Variants in NCAPG2 observed in about 807,000 individuals in gnomAD.
NCAPG2 encodes the protein non-SMC condensin II complex subunit G2.
In NCAPG2, 53 loss-of-function variants were observed where a neutral mutation model predicts 141.1. The observed-to-expected ratio is 0.38, with a 90% CI of 0.30 to 0.47. The LOEUF is 0.47. Among genes scored for constraint, NCAPG2 ranks in the 20% least tolerant of loss-of-function variants. The probability of loss-of-function intolerance (pLI) is 0.99; values close to 1 mark genes in which losing one functional copy is unlikely to be tolerated. For missense variants in NCAPG2, 1,087 were observed against 1,389.0 expected, an observed-to-expected ratio of 0.78 and a Z score of 3.46; for synonymous variants, 499 against 490.7, an observed-to-expected ratio of 1.02 and a Z score of -0.22.
In NCAPG2 at chr7:158,656,385, C is replaced by A; in HGVS notation, c.2263G>T (p.Val755Phe). The A allele has an allele frequency of 1.2e-6, 2 of 1,614,222 alleles. No individual in the cohort carries two copies. The highest frequency in any genetic ancestry group is 1.7e-6 in the Non-Finnish European group (2 of 1,180,044). ...GRVQIHDTRP[V>F]KPELALVYIE... ...TAGACCAATGCCAATTCAGGTTTGA[C>A]TGGGCGTGTGTCATGGATCTGCACC... is the stretch of plus-strand genomic sequence containing the variant. The change falls in exon 19 of 28, where the codon GTC (valine) becomes TTC (phenylalanine). Residue 755 changes from valine (V) to phenylalanine (F), a missense_variant. Val to Phe is a conservative substitution (Grantham distance 50). Coordinates refer to ENST00000356309, the MANE Select transcript of NCAPG2 (RefSeq NM_017760.7).
intron 24 of NCAPG2, among the ~76,000 whole-genome samples, chr7:158,649,719 T>C (rs1809915592): frequency 6.6e-6 from 1 of 152,246 alleles, no homozygotes; most frequent in Non-Finnish European, 1.5e-5. Flanking sequence ...TTACAAAATT[T>C]ATGATTCACG....
At chr7:158,637,037 T>C (rs979411346) in intron 27 of NCAPG2, among the ~76,000 whole-genome samples, 26 of 151,662 alleles carry the variant, frequency 1.7e-4, no homozygotes, top group Non-Finnish European at 2.8e-4. Context: ...AAGTTCCGCC[T>C]CCCGGGTTCA....
Position 158,631,661 on chromosome 7 carries a change from C to T in NCAPG2, c.*5G>A. 2.5e-6 allele frequency: 4 copies of T among 1,585,486 alleles called. No individual in the cohort carries two copies. Among genetic ancestry groups the T allele is most frequent in the South Asian group, 1.1e-5 (1 of 90,194 alleles). On this transcript the variant is annotated 3_prime_UTR_variant, in exon 28 of 28. Coordinates refer to ENST00000356309, the MANE Select transcript of NCAPG2 (RefSeq NM_017760.7). ...ATTTTTACATGTCTGGAGATGTTGG[C>T]TTGGTTATGAATTCAAAAGTTCTCC...
intron 22 of NCAPG2, among the ~76,000 whole-genome samples, chr7:158,653,628 A>G (rs752507000): frequency 3.3e-5 from 5 of 152,180 alleles, no homozygotes; most frequent in Non-Finnish European, 5.9e-5. Flanking sequence ...GGAATCTGCC[A>G]TGAAGATATT....
At chr7:158,636,899 C>T (rs547017126) in intron 27 of NCAPG2, among the ~76,000 whole-genome samples, 4 of 152,240 alleles carry the variant, frequency 2.6e-5, no homozygotes, top group Non-Finnish European at 5.9e-5. Flanking sequence ...CAGACCACTG[C>T]CCTAAAAACA....
chr7:158,655,565 C>T (rs183250426), intron 19 of NCAPG2, 110 bp from the exon 20 acceptor site: 23 of 852,290 alleles, frequency 2.7e-5, no homozygotes, highest in East Asian at 8.1e-5. Context: ...TGAAAAGACC[C>T]CCGCTCTGGT....
At chr7:158,663,682 T>C (rs953653056) in intron 15 of NCAPG2, among the ~76,000 whole-genome samples, 3 of 152,248 alleles carry the variant, frequency 2.0e-5, no homozygotes, top group African/African-American at 7.2e-5. Context: ...TAGTGGGCAT[T>C]GCAAAATGAC....
chr7:158,664,347 A>G (rs1429675698), intron 14 of NCAPG2, 51 bp from the exon 15 acceptor site: 1 of 1,551,924 alleles, frequency 6.4e-7, no homozygotes, highest in Non-Finnish European at 8.9e-7. Context: ...CTTCTACAAA[A>G]TTAACTATCT....
chr7:158,679,827 G>A, intron 11 of NCAPG2, 133 bp downstream of exon 11: 1 of 1,227,226 alleles, frequency 8.1e-7, no homozygotes, highest in African/African-American at 1.5e-5. Flanking sequence ...GAACAGTCCA[G>A]GTTTAGAAAC....
intron 4 of NCAPG2, among the ~76,000 whole-genome samples, chr7:158,691,730 G>A (rs1458727997): frequency 1.3e-5 from 2 of 152,056 alleles, no homozygotes; most frequent in Non-Finnish European, 2.9e-5. Flanking sequence ...AACTTGAAAA[G>A]TACCATCATT....
chr7:158,683,912 T>C (rs6459894), intron 8 of NCAPG2, among the ~76,000 whole-genome samples: 134,677 of 152,246 alleles, frequency 0.88, 59,627 homozygotes, highest in Admixed American at 0.93. Flanking sequence ...GCACTAATGG[T>C]ACTCAGAGTG....
intron 2 of NCAPG2, chr7:158,696,128 T>C (rs907267555): frequency 3.9e-5 from 6 of 152,410 alleles, no homozygotes; most frequent in African/African-American, 1.4e-4. Context: ...TGCTCACTCT[T>C]GGGGACACAT....
intron 2 of NCAPG2, among the ~76,000 whole-genome samples, chr7:158,694,864 T>G (rs953360243): frequency 6.6e-6 from 1 of 152,158 alleles, no homozygotes; most frequent in African/African-American, 2.4e-5. Context: ...TTTCCTCGTT[T>G]CCTTGACCCT....
chr7:158,693,995 C>T (rs1053106122), intron 2 of NCAPG2, among the ~76,000 whole-genome samples: 1 of 152,198 alleles, frequency 6.6e-6, no homozygotes, highest in African/African-American at 2.4e-5. Context: ...AAGCAAATAG[C>T]GGCCCTCATC....
intron 13 of NCAPG2, among the ~76,000 whole-genome samples, chr7:158,671,138 G>A (rs1429641213): frequency 1.9e-5 from 2 of 105,572 alleles, no homozygotes; most frequent in African/African-American, 7.5e-5. Context: ...CATAAAGCAG[G>A]TGTCTCCCTC....
intron 9 of NCAPG2, among the ~76,000 whole-genome samples, chr7:158,681,409 T>A (rs1200236875): frequency 1.3e-5 from 2 of 152,190 alleles, no homozygotes. Flanking sequence ...GTCAGAATCT[T>A]CCCAAAATTC....
At chr7:158,667,250 G>A (rs1587181999) in intron 13 of NCAPG2, 1 of 983,958 alleles carries the variant, frequency 1.0e-6, no homozygotes, top group South Asian at 4.7e-5. Context: ...TTCCTGGTGG[G>A]CCAGAGACCC....
intron 13 of NCAPG2, among the ~76,000 whole-genome samples, chr7:158,666,329 G>T (rs1563535632): frequency 6.6e-6 from 1 of 152,120 alleles, no homozygotes; most frequent in Non-Finnish European, 1.5e-5. Context: ...TTCTGACAGC[G>T]AGGTATCAAG....
chr7:158,683,314 A>G lies in NCAPG2; in HGVS notation c.910T>C (p.Ser304Pro). The G allele has an allele frequency of 1.3e-6, 2 of 1,595,584 alleles. No homozygotes were observed. The highest frequency in any genetic ancestry group is 1.7e-6 in the Non-Finnish European group (2 of 1,172,058). The change falls in exon 9 of 28, where the codon TCC (serine) becomes CCC (proline). Residue 304 changes from serine to proline, a missense_variant. Ser to Pro is a moderately conservative substitution (Grantham distance 74). Transcript: ENST00000356309. ...IHLPRRSPVH[S>P]KVREVLSYFH... ...CACAATCTTACCTCCCGCACTTTGG[A>G]ATGCACTGGAGACCTCCTCGGAAGG...
Sources: gnomAD v4.1 joint callset for allele counts (sites outside exome capture counted in the v4.1 genomes callset) on GRCh38, gnomAD v4.1.1 for gene constraint, MANE v1.5 for transcripts, NCBI Gene and HGNC (gene_info 2026-07-23, HGNC 2026-07-21) for gene names.